The following PTPRT variants were observed in gnomAD, a reference collection of about 807,000 sequenced individuals.
PTPRT encodes receptor-type tyrosine-protein phosphatase T.
A neutral mutation model predicts 176.8 loss-of-function variants in PTPRT; 56 were observed. The observed-to-expected ratio is 0.32, with a 90% CI of 0.26 to 0.40. The LOEUF (loss-of-function observed/expected upper bound fraction) is 0.40. Among genes scored for constraint, PTPRT ranks in the 10% least tolerant of loss-of-function variants. The pLI is 1.00. For synonymous variants in PTPRT, 783 were observed against 739.0 expected (o/e 1.06, Z -0.96); for missense variants, 1,540 against 1,908.2 (o/e 0.81, Z 3.60).
intron 7 of PTPRT, among the ~76,000 whole-genome samples, chr20:42,607,756 T>C (rs574692275): frequency 6.6e-6 from 1 of 151,958 alleles, no homozygotes; most frequent in African/African-American, 2.4e-5. Context: ...GGGCTGGGAG[T>C]GCACAGCGGG....
chr20:42,171,972 T>A (rs942446220), intron 16 of PTPRT, among the ~76,000 whole-genome samples: 2 of 151,950 alleles, frequency 1.3e-5, no homozygotes, highest in Non-Finnish European at 2.9e-5. Flanking sequence ...CTTATCCCCA[T>A]AGGAGAGAGT....
chr20:42,695,796 C>A (rs2075864978), intron 6 of PTPRT, among the ~76,000 whole-genome samples: 1 of 152,198 alleles, frequency 6.6e-6, no homozygotes, highest in African/African-American at 2.4e-5. Flanking sequence ...ACTTTTACTA[C>A]TGTAAATCTT....
At chr20:42,234,961 TGA>T (rs2056210654) in intron 15 of PTPRT, among the ~76,000 whole-genome samples, 1 of 152,206 alleles carries the variant, frequency 6.6e-6, no homozygotes, top group African/African-American at 2.4e-5. Context: ...CTCATAAAGC[TGA>T]GTTTGCCAGA....
intron 7 of PTPRT, among the ~76,000 whole-genome samples, chr20:42,598,487 A>G (rs2073715395): frequency 1.3e-5 from 2 of 152,156 alleles, no homozygotes; most frequent in South Asian, 4.1e-4. Flanking sequence ...ATGTTTTGTA[A>G]AATATAGATG....
intron 17 of PTPRT, among the ~76,000 whole-genome samples, chr20:42,154,862 G>A (rs190792873): frequency 6.6e-6 from 1 of 152,188 alleles, no homozygotes; most frequent in Non-Finnish European, 1.5e-5. Context: ...CTGGAGCTGG[G>A]GGGGAAGCAG....
chr20:42,881,014 G>C (rs1479483408), intron 2 of PTPRT, among the ~76,000 whole-genome samples: 1 of 152,216 alleles, frequency 6.6e-6, no homozygotes, highest in Admixed American at 6.5e-5. Context: ...ACCCACAGTA[G>C]AACACCTGCT....
chr20:42,620,413 C>G (rs1302845339), intron 7 of PTPRT, among the ~76,000 whole-genome samples: 1 of 149,838 alleles, frequency 6.7e-6, no homozygotes, highest in Non-Finnish European at 1.5e-5. Flanking sequence ...TGCCCTGCCC[C>G]CAGAGGTGGA....
At chr20:42,166,926 A>T (rs1001369721) in intron 16 of PTPRT, among the ~76,000 whole-genome samples, 1 of 151,742 alleles carries the variant, frequency 6.6e-6, no homozygotes, top group African/African-American at 2.4e-5. Flanking sequence ...CATCTTAGAA[A>T]AAAAAAAAAG....
At chr20:42,359,739 G>C (rs997863773) in intron 9 of PTPRT, among the ~76,000 whole-genome samples, 1 of 152,250 alleles carries the variant, frequency 6.6e-6, no homozygotes, top group African/African-American at 2.4e-5. Context: ...CCAAAGCCAA[G>C]CTTCAGGGTC....
chr20:42,787,257 C>T (rs1027374762), intron 3 of PTPRT, among the ~76,000 whole-genome samples: 1 of 152,126 alleles, frequency 6.6e-6, no homozygotes, highest in East Asian at 1.9e-4. Flanking sequence ...CTGGGGCACA[C>T]TATGAAATGG....
chr20:42,827,009 C>T (rs1392321480), intron 2 of PTPRT, among the ~76,000 whole-genome samples: 1 of 152,090 alleles, frequency 6.6e-6, no homozygotes, highest in African/African-American at 2.4e-5. Context: ...GAAGACCTAA[C>T]CTAACCCTAA....
chr20:43,005,347 C>G (rs1003276151), intron 1 of PTPRT, among the ~76,000 whole-genome samples: 1 of 152,152 alleles, frequency 6.6e-6, no homozygotes, highest in Non-Finnish European at 1.5e-5. Flanking sequence ...AGCCTTCTAA[C>G]AATTCCCAGA....
intron 12 of PTPRT, among the ~76,000 whole-genome samples, chr20:42,304,407 T>C (rs1296751239): frequency 6.6e-6 from 1 of 152,162 alleles, no homozygotes; most frequent in African/African-American, 2.4e-5. Context: ...TGGATGTTTA[T>C]TGCATGCCAA....
chr20:43,168,348 C>A (rs538568840), intron 1 of PTPRT, among the ~76,000 whole-genome samples: 17 of 152,250 alleles, frequency 1.1e-4, no homozygotes, highest in Admixed American at 3.9e-4. Flanking sequence ...ATAATGACAG[C>A]ACCTGGCCTG....
At chr20:42,893,399 T>C (rs1366329910) in intron 1 of PTPRT, among the ~76,000 whole-genome samples, 1 of 151,924 alleles carries the variant, frequency 6.6e-6, no homozygotes, top group Non-Finnish European at 1.5e-5. Context: ...AGGAACACTT[T>C]TACACTGTTG....
chr20:42,837,625 A>G (rs2078204767), intron 2 of PTPRT, among the ~76,000 whole-genome samples: 1 of 152,166 alleles, frequency 6.6e-6, no homozygotes, highest in East Asian at 1.9e-4. Context: ...CACTCACTAC[A>G]TTAACAGTAT....
chr20:42,813,794 G>A (rs1180458276), intron 2 of PTPRT, among the ~76,000 whole-genome samples: 1 of 152,042 alleles, frequency 6.6e-6, no homozygotes, highest in Non-Finnish European at 1.5e-5. Flanking sequence ...CTTCTTTTTA[G>A]ATTTTGTGAA....
intron 6 of PTPRT, among the ~76,000 whole-genome samples, chr20:42,713,550 G>A (rs2146206591): frequency 6.6e-6 from 1 of 152,140 alleles, no homozygotes; most frequent in South Asian, 2.1e-4. Flanking sequence ...TACCTTAAAT[G>A]AAACTGTAAG....
At chr20:42,883,831 C>T (rs1370536919) in intron 2 of PTPRT, among the ~76,000 whole-genome samples, 14 of 2,906 alleles carry the variant, frequency 4.8e-3, no homozygotes, top group African/African-American at 0.018. Flanking sequence ...CACACACACA[C>T]ACCCCCATAC....
Sources: allele counts gnomAD v4.1 joint callset (sites outside exome capture counted in the v4.1 genomes callset), GRCh38; gene constraint gnomAD v4.1.1; transcripts MANE v1.5; gene names NCBI Gene and HGNC (gene_info 2026-07-23, HGNC 2026-07-21).